SLC24A3: variants seen among roughly 807,000 people sequenced by gnomAD.
The protein encoded by SLC24A3 is sodium/potassium/calcium exchanger 3.
A neutral mutation model predicts 75.8 loss-of-function variants in SLC24A3; 28 were observed. The observed-to-expected ratio is 0.37, with a 90% CI of 0.27 to 0.51. The LOEUF (loss-of-function observed/expected upper bound fraction) is 0.51, where lower values mean the gene tolerates loss of function less well. SLC24A3 is among the 20% of genes least tolerant of loss of function. The pLI, the probability that SLC24A3 is intolerant of heterozygous loss-of-function variation, is 0.94. For missense variants in SLC24A3, 663 were observed against 847.8 expected, an observed-to-expected ratio of 0.78 and a Z score of 2.71; for synonymous variants, 372 against 334.1, an observed-to-expected ratio of 1.11 and a Z score of -1.24.
chr20:19,440,900 GA>G (rs1987287578), intron 2 of SLC24A3, among the ~76,000 whole-genome samples: 1 of 152,106 alleles, frequency 6.6e-6, no homozygotes, highest in South Asian at 2.1e-4. Context: ...TTTGGATACC[GA>G]CGGACTGTTT....
intron 2 of SLC24A3, among the ~76,000 whole-genome samples, chr20:19,370,987 A>G (rs538793112): frequency 3.9e-5 from 6 of 152,296 alleles, no homozygotes; most frequent in African/African-American, 1.4e-4. Context: ...TTAACTCACT[A>G]GAACCTGAGC....
intron 3 of SLC24A3, among the ~76,000 whole-genome samples, chr20:19,523,133 C>T (rs186083787): frequency 0.018 from 2,795 of 152,230 alleles, 36 homozygotes; most frequent in Non-Finnish European, 0.025. Context: ...AGTAGCATTT[C>T]TATACACTAA....
chr20:19,307,634 G>C (rs1407770074), intron 2 of SLC24A3, among the ~76,000 whole-genome samples: 1 of 152,070 alleles, frequency 6.6e-6, no homozygotes, highest in Non-Finnish European at 1.5e-5. Flanking sequence ...GAGAACATTA[G>C]GACAAATACC....
At chr20:19,457,708 A>T (rs1248719211) in intron 2 of SLC24A3, among the ~76,000 whole-genome samples, 1 of 152,204 alleles carries the variant, frequency 6.6e-6, no homozygotes, top group Non-Finnish European at 1.5e-5. Context: ...CCAAGGCCCC[A>T]ACCTCAAATT....
chr20:19,379,667 T>A (rs1986148743), intron 2 of SLC24A3, among the ~76,000 whole-genome samples: 1 of 152,122 alleles, frequency 6.6e-6, no homozygotes, highest in Non-Finnish European at 1.5e-5. Context: ...TTCCACTGCA[T>A]AATAGTATAA....
chr20:19,342,878 G>C (rs1985300586), intron 2 of SLC24A3, among the ~76,000 whole-genome samples: 1 of 152,016 alleles, frequency 6.6e-6, no homozygotes, highest in South Asian at 2.1e-4. Flanking sequence ...AGACCATCCT[G>C]GCTAACATGG....
At chr20:19,705,399 G>A (rs567672275) in intron 15 of SLC24A3, among the ~76,000 whole-genome samples, 1 of 152,208 alleles carries the variant, frequency 6.6e-6, no homozygotes, top group East Asian at 1.9e-4. Context: ...ACACTGGGCA[G>A]GGTGGGGGAC....
chr20:19,379,391 A>C (rs1416236337), intron 2 of SLC24A3, among the ~76,000 whole-genome samples: 1 of 152,124 alleles, frequency 6.6e-6, no homozygotes, highest in East Asian at 1.9e-4. Flanking sequence ...ACGTGGGATC[A>C]GGGTTTTGCT....
At chr20:19,681,496 C>T (rs2032615156) in intron 9 of SLC24A3, among the ~76,000 whole-genome samples, 1 of 152,170 alleles carries the variant, frequency 6.6e-6, no homozygotes, top group Non-Finnish European at 1.5e-5. Flanking sequence ...GAAGGTAGAC[C>T]TTGACCATCC....
At chr20:19,543,008 A>G (rs1490062167) in intron 3 of SLC24A3, among the ~76,000 whole-genome samples, 1 of 152,222 alleles carries the variant, frequency 6.6e-6, no homozygotes, top group Non-Finnish European at 1.5e-5. Context: ...ACATTAAGGT[A>G]TGTGTTTAAA....
At chr20:19,325,787 TATATATATAGAG>T (rs1245320663) in intron 2 of SLC24A3, among the ~76,000 whole-genome samples, 124 of 95,340 alleles carry the variant, frequency 1.3e-3, no homozygotes, top group East Asian at 2.5e-3. Flanking sequence ...CATATATATA[TATATATATAGAG>T]AGAGAGAGAG....
intron 2 of SLC24A3, among the ~76,000 whole-genome samples, chr20:19,500,522 A>T (rs1260664485): frequency 1.3e-5 from 2 of 152,248 alleles, no homozygotes; most frequent in African/African-American, 4.8e-5. Context: ...ATACAATATT[A>T]TTTGGATAAA....
At chr20:19,423,260 T>G (rs1986947229) in intron 2 of SLC24A3, among the ~76,000 whole-genome samples, 1 of 152,208 alleles carries the variant, frequency 6.6e-6, no homozygotes, top group South Asian at 2.1e-4. Flanking sequence ...TTTGAGGGGC[T>G]GAGCTCAGAA....
rs952932104 is a variant in SLC24A3 at position 19,612,359 on chromosome 20, G to A, written c.612+26815G>A. Among the ~76,000 whole-genome samples the A allele has an allele frequency of 3.3e-5, 5 of 152,186 alleles. 1 individual carries two copies. Among genetic ancestry groups the A allele is most frequent in the South Asian group, 4.1e-4 (2 of 4,830 alleles). On this transcript the variant is annotated intron_variant, in intron 6 of 16. Coordinates refer to ENST00000328041, the MANE Select transcript of SLC24A3 (RefSeq NM_020689.4). The stretch of plus-strand genomic sequence containing the variant: ...CTGGCATTCTGTAGCACCACAGGGC[G>A]AATATGGTTGACAGTGATTTAGTGT...
chr20:19,586,965 T>A (rs558940529), intron 6 of SLC24A3, among the ~76,000 whole-genome samples: 96 of 152,320 alleles, frequency 6.3e-4, no homozygotes, highest in African/African-American at 2.2e-3. Context: ...TAGTATTTTT[T>A]TAAAAAATGA....
At chr20:19,651,860 CA>C (rs11473740) in intron 6 of SLC24A3, among the ~76,000 whole-genome samples, 4,507 of 120,064 alleles carry the variant, frequency 0.038, 173 homozygotes, top group East Asian at 0.12. Flanking sequence ...GACTCCATCT[CA>C]AAAAAAAAAA....
intron 15 of SLC24A3, among the ~76,000 whole-genome samples, chr20:19,717,243 G>C (rs2033054496): frequency 6.6e-6 from 1 of 152,338 alleles, no homozygotes; most frequent in South Asian, 2.1e-4. Flanking sequence ...CAGATAGAGG[G>C]TTCAGGTGGC....
chr20:19,401,132 A>C (rs1303580113), intron 2 of SLC24A3, among the ~76,000 whole-genome samples: 1 of 152,164 alleles, frequency 6.6e-6, no homozygotes, highest in Non-Finnish European at 1.5e-5. Flanking sequence ...CAAAAGAGAC[A>C]ATGGTCCCAA....
At chr20:19,323,799 G>A (rs1347445583) in intron 2 of SLC24A3, among the ~76,000 whole-genome samples, 1 of 152,238 alleles carries the variant, frequency 6.6e-6, no homozygotes, top group Non-Finnish European at 1.5e-5. Context: ...TGAGATGGCA[G>A]AAGAATAAGC....
Sources: allele counts gnomAD v4.1 joint callset (sites outside exome capture counted in the v4.1 genomes callset), GRCh38; gene constraint gnomAD v4.1.1; transcripts MANE v1.5; gene names NCBI Gene and HGNC (gene_info 2026-07-23, HGNC 2026-07-21).